The following CELF2 variants were observed in gnomAD, a reference collection of about 807,000 sequenced individuals.
The protein encoded by CELF2 is CUG triplet repeat RNA-binding protein 2.
A neutral mutation model predicts 62.6 loss-of-function variants in CELF2; 8 were observed. The observed-to-expected ratio is 0.13, with a 90% confidence interval of 0.07 to 0.23. The LOEUF (loss-of-function observed/expected upper bound fraction) is 0.23, where lower values mean the gene tolerates loss of function less well. Among genes scored for constraint, CELF2 ranks in the 10% least tolerant of loss-of-function variants. The pLI, the probability that CELF2 is intolerant of heterozygous loss-of-function variation, is 1.00. For missense variants in CELF2, 333 were observed against 671.0 expected, an observed-to-expected ratio of 0.50 and a Z score of 5.56; for synonymous variants, 258 against 250.0, an observed-to-expected ratio of 1.03 and a Z score of -0.30.
chr10:10,920,353 G>A, intron 2 of CELF2, among the ~76,000 whole-genome samples: 1 of 152,088 alleles, frequency 6.6e-6, no homozygotes, highest in Non-Finnish European at 1.5e-5. Context: ...ATATTGGATT[G>A]GTTTTTTCTT....
intron 1 of CELF2, among the ~76,000 whole-genome samples, chr10:11,071,880 A>T (rs557630331): frequency 6.6e-6 from 1 of 152,342 alleles, no homozygotes; most frequent in African/African-American, 2.4e-5. Flanking sequence ...TCCCGAGTCA[A>T]TGGGGTCATG....
the CELF2 span, among the ~76,000 whole-genome samples, chr10:10,534,060 A>G: frequency 6.6e-6 from 1 of 152,092 alleles, no homozygotes; most frequent in Non-Finnish European, 1.5e-5. Flanking sequence ...GGTATTTTGA[A>G]TAGGAGAAAA....
At chr10:10,986,589 A>T (rs1202804459) in intron 2 of CELF2, among the ~76,000 whole-genome samples, 5 of 152,256 alleles carry the variant, frequency 3.3e-5, no homozygotes, top group Non-Finnish European at 7.3e-5. Flanking sequence ...TTGTATAATC[A>T]GATGAAGTAT....
chr10:11,030,126 T>A (rs910856015), intron 1 of CELF2, among the ~76,000 whole-genome samples: 1 of 152,244 alleles, frequency 6.6e-6, no homozygotes, highest in Non-Finnish European at 1.5e-5. Context: ...TGGTGTGTGT[T>A]TCTTTTAATT....
chr10:11,141,839 C>T (rs1355462955), intron 1 of CELF2, among the ~76,000 whole-genome samples: 2 of 152,170 alleles, frequency 1.3e-5, no homozygotes, highest in East Asian at 1.9e-4. Flanking sequence ...GTTTCAATAG[C>T]GTGCACAGTA....
At position 10,876,985 on chromosome 10, in the gene CELF2, A is replaced by G. The variant is rs562280136; in HGVS notation, c.54-42979A>G. Among the ~76,000 whole-genome samples the G allele has an allele frequency of 1.5e-4, 23 of 152,348 alleles. No individual in the cohort carries two copies. In the East Asian group the frequency reaches 4.2e-3, roughly 28 times the overall value. On this transcript the variant is annotated intron_variant, in intron 1 of 13. Transcript: ENST00000636488. ...GCATTTCCTCAGCTGAATGCCACCC[A>G]GAAGGCTTATTTGCACTCCTCTAGA...
chr10:11,088,151 A>G (rs1414468689), intron 1 of CELF2, among the ~76,000 whole-genome samples: 2 of 152,218 alleles, frequency 1.3e-5, no homozygotes, highest in Non-Finnish European at 2.9e-5. Flanking sequence ...GAGGCATGCC[A>G]GAAAGGAGGC....
intron 1 of CELF2, among the ~76,000 whole-genome samples, chr10:11,099,656 A>G (rs2050895415): frequency 6.6e-6 from 1 of 152,186 alleles, no homozygotes; most frequent in Admixed American, 6.5e-5. Flanking sequence ...TGCTACTCAT[A>G]ATCAGGTAAA....
intron 5 of CELF2, among the ~76,000 whole-genome samples, chr10:11,265,678 T>G (rs1245110358): frequency 6.6e-6 from 1 of 152,268 alleles, no homozygotes; most frequent in Non-Finnish European, 1.5e-5. Flanking sequence ...GTTGGAGCAG[T>G]GACCTGCATG....
At chr10:10,691,516 A>G in the CELF2 span, among the ~76,000 whole-genome samples, 3 of 152,016 alleles carry the variant, frequency 2.0e-5, no homozygotes, top group Non-Finnish European at 2.9e-5. Flanking sequence ...CTTTGGGTAT[A>G]TACCCAGTAA....
chr10:11,184,794 CTG>C (rs2074387847), intron 2 of CELF2, among the ~76,000 whole-genome samples: 1 of 152,132 alleles, frequency 6.6e-6, no homozygotes. Flanking sequence ...TTTAAAGAGT[CTG>C]TTGGATTTTC....
Position 11,270,667 on chromosome 10 carries a change from G to C in CELF2, c.620G>C (p.Gly207Ala), listed in dbSNP as rs1269766384. 2.0e-6 allele frequency: 3 copies of C among 1,469,308 alleles called. No individual in the cohort carries two copies. The South Asian group carries it at 4.3e-5, about 21-fold the overall frequency. 91.0% of individuals were successfully genotyped at this position (1,469,308 alleles called of 1,614,324 possible). A position where few individuals can be genotyped will look rare whatever the true frequency, so the allele number is the denominator to read the frequency against. ...KAMHQSQTME[G>A]CSSPIVVKFA... Reference sequence around the variant, plus strand: ...ACTTTCCAATGTGTCTGACCACAGGGCTGCTCTTCACCTATCGTGGTGAAG... The same window carrying C: ...ACTTTCCAATGTGTCTGACCACAGGCCTGCTCTTCACCTATCGTGGTGAAG... Residue 207 changes from glycine to alanine, a missense_variant and splice_region_variant, in exon 7 of 13, where the codon GGC becomes GCC. Gly to Ala is a moderately conservative substitution (Grantham distance 60). This residue lies in a region of CELF2 where 253 missense variants were observed against 503.0 expected (regional missense o/e 0.50). Transcript: ENST00000633077. This position sits in a 1 kb window ranked among gnomAD's most constrained non-coding sequence, Gnocchi z 5.8.
At chr10:10,655,546 A>G in the CELF2 span, among the ~76,000 whole-genome samples, 2 of 117,236 alleles carry the variant, frequency 1.7e-5, no homozygotes, top group Admixed American at 8.7e-5. Context: ...GGAACAGAAC[A>G]GAGCCCTCAG....
chr10:10,933,694 G>A (rs1050428360), intron 2 of CELF2, among the ~76,000 whole-genome samples: 1 of 151,962 alleles, frequency 6.6e-6, no homozygotes, highest in African/African-American at 2.4e-5. Flanking sequence ...AGGTGATATG[G>A]TATCTGTCTT....
At chr10:10,987,264 T>G (rs1019781401) in intron 2 of CELF2, among the ~76,000 whole-genome samples, 4 of 152,104 alleles carry the variant, frequency 2.6e-5, no homozygotes, top group Non-Finnish European at 4.4e-5. Flanking sequence ...TCTTTTTTTT[T>G]TTTTCATTTC....
intron 2 of CELF2, among the ~76,000 whole-genome samples, chr10:10,943,893 C>T (rs2047344319): frequency 6.6e-6 from 1 of 152,104 alleles, no homozygotes; most frequent in East Asian, 1.9e-4. Context: ...TGAGCCACCA[C>T]ACTCAGCCCC....
chr10:10,650,800 C>G, the CELF2 span, among the ~76,000 whole-genome samples: 1 of 152,290 alleles, frequency 6.6e-6, no homozygotes, highest in South Asian at 2.1e-4. Flanking sequence ...ACAGAGTCAC[C>G]ATCTGACCCA....
Position 11,046,659 on chromosome 10 carries a change from G to A in CELF2, c.74+28496G>A, listed in dbSNP as rs568646866. ...TTCTTTTCCTAACTCATTTCAGACGGACGCTAATAACAGCCCGCAGAACCC... is the reference window on the plus strand; with the variant it reads ...TTCTTTTCCTAACTCATTTCAGACGAACGCTAATAACAGCCCGCAGAACCC... On this transcript the variant is annotated intron_variant, in intron 1 of 12. Transcript: ENST00000633077. This position sits in a 1 kb window ranked among gnomAD's most constrained non-coding sequence, Gnocchi z 4.6. Among the ~76,000 whole-genome samples the A allele has an allele frequency of 8.1e-4, 123 of 152,114 alleles. 2 individuals are homozygous for A. The highest frequency in any genetic ancestry group is 1.5e-3 in the Non-Finnish European group (105 of 68,012).
rs2090919105 is a variant in CELF2, at chr10:11,285,474, G to C, written c.842-2944G>C. On this transcript the variant is annotated intron_variant, in intron 8 of 12. Transcript: ENST00000633077. This position sits in a 1 kb window ranked among gnomAD's most constrained non-coding sequence, Gnocchi z 4.3. ...AAAGTGTGTGGAGGAGAAATGAAGA[G>C]GAGGACACCCAGGCCCTTAGCCCTG... 6.6e-6 allele frequency among the ~76,000 whole-genome samples: 1 copy of C among 152,200 alleles called. No homozygotes were observed. Among genetic ancestry groups the C allele is most frequent in the South Asian group, 2.1e-4 (1 of 4,830 alleles).
Sources: gnomAD v4.1 joint callset for allele counts (sites outside exome capture counted in the v4.1 genomes callset) on GRCh38, gnomAD v4.1.1 for gene constraint, gnomAD v4.1.1 regional missense constraint, Gnocchi (gnomAD v3.1) non-coding constraint, MANE v1.5 for transcripts, NCBI Gene and HGNC (gene_info 2026-07-23, HGNC 2026-07-21) for gene names.